IL1R1: variants seen among roughly 807,000 people sequenced by gnomAD.
IL1R1 encodes the protein interleukin-1 receptor type 1.
A neutral mutation model predicts 50.2 loss-of-function variants in IL1R1; 22 were observed. The ratio of observed to expected loss-of-function variants is 0.44; its 90% CI spans 0.31 to 0.63. The LOEUF is 0.63. Among genes scored for constraint, IL1R1 ranks in the 20% least tolerant of loss-of-function variants. The pLI is 0.07. For missense variants in IL1R1, 509 were observed against 676.2 expected (o/e 0.75, Z 2.74); for synonymous variants, 251 against 236.7 (o/e 1.06, Z -0.55).
intron 6 of IL1R1, 92 bp downstream of exon 6, chr2:102,166,373 A>C (rs1685182974): frequency 1.0e-6 from 1 of 989,550 alleles, no homozygotes; most frequent in Non-Finnish European, 1.4e-6. Flanking sequence ...TGAAGAAACC[A>C]AATCCAAGAC....
intron 7 of IL1R1, among the ~76,000 whole-genome samples, chr2:102,171,274 C>T (rs1034472959): frequency 6.6e-6 from 1 of 152,150 alleles, no homozygotes; most frequent in Non-Finnish European, 1.5e-5. Flanking sequence ...TGCTCACATA[C>T]ACTATTGGAG....
chr2:102,099,971 T>G (rs777430787), upstream of IL1R1, among the ~76,000 whole-genome samples: 2 of 152,128 alleles, frequency 1.3e-5, no homozygotes, highest in African/African-American at 4.8e-5. Flanking sequence ...ACTCCAGGAC[T>G]CCCAGAATGT....
intron 1 of IL1R1, among the ~76,000 whole-genome samples, chr2:102,093,454 C>T (rs1055609217): frequency 6.6e-6 from 1 of 152,102 alleles, no homozygotes; most frequent in Non-Finnish European, 1.5e-5. Flanking sequence ...TTTTACATTC[C>T]CTCCAGCAGT....
At chr2:102,072,103 C>T (rs930874117) in intron 1 of IL1R1, among the ~76,000 whole-genome samples, 1 of 151,218 alleles carries the variant, frequency 6.6e-6, no homozygotes, top group Non-Finnish European at 1.5e-5. Flanking sequence ...AGTAAAAATA[C>T]AAAAAAATTA....
At chr2:102,104,114 G>T (rs1217854373), upstream of IL1R1, among the ~76,000 whole-genome samples, 1 of 152,096 alleles carries the variant, frequency 6.6e-6, no homozygotes, top group African/African-American at 2.4e-5. Context: ...GTGATCAGTG[G>T]CCATCCCACC....
chr2:102,168,475 T>G lies in IL1R1; in HGVS notation c.656-123T>G, dbSNP rs1049007431. On this transcript the variant is annotated intron_variant, in intron 6 of 11. Transcript: ENST00000410023. ...TCTGCCTCCTGTCTCCTGGCATATG[T>G]GCTTTGAACACTTGATGGAATATCT... 10 of 781,852 alleles carry G rather than the reference T, an allele frequency of 1.3e-5. No individual in the cohort carries two copies. The African/African-American group carries it at 1.5e-4, about 12-fold the overall frequency. The allele number at this position is 781,852 out of a possible 1,614,324, so 48.4% of individuals were successfully genotyped here. A position where few individuals can be genotyped will look rare whatever the true frequency, so the allele number is the denominator to read the frequency against.
chr2:102,128,431 A>T (rs1486363662), intron 1 of IL1R1, among the ~76,000 whole-genome samples: 1 of 152,236 alleles, frequency 6.6e-6, no homozygotes, highest in Non-Finnish European at 1.5e-5. Flanking sequence ...CCCAAATATA[A>T]TGAATGTTTG....
intron 1 of IL1R1, among the ~76,000 whole-genome samples, chr2:102,125,305 G>A (rs984721436): frequency 5.3e-5 from 8 of 152,146 alleles, no homozygotes; most frequent in Non-Finnish European, 8.8e-5. Context: ...ACAAACAAAC[G>A]AAACCAATAA....
intron 1 of IL1R1, among the ~76,000 whole-genome samples, chr2:102,124,523 G>A (rs1175516315): frequency 3.9e-5 from 6 of 151,950 alleles, no homozygotes; most frequent in Admixed American, 6.6e-5. Context: ...GGGAAGCCTC[G>A]GGAAACTTAT....
upstream of IL1R1, among the ~76,000 whole-genome samples, chr2:102,140,914 T>A (rs765386226): frequency 3.9e-5 from 6 of 152,198 alleles, no homozygotes; most frequent in African/African-American, 7.2e-5. Context: ...GAGGCCTGCA[T>A]GTCTAGCAGG....
chr2:102,139,596 G>T (rs939450868), upstream of IL1R1, among the ~76,000 whole-genome samples: 4 of 152,240 alleles, frequency 2.6e-5, no homozygotes, highest in South Asian at 6.2e-4. Flanking sequence ...GATCATGGGG[G>T]TAGATCCCTC....
At chr2:102,100,641 A>T (rs531920567), upstream of IL1R1, among the ~76,000 whole-genome samples, 148 of 152,244 alleles carry the variant, frequency 9.7e-4, 1 homozygote, top group African/African-American at 3.3e-3. Flanking sequence ...GTTTTTAGTC[A>T]TTTCATGCTT....
intron 1 of IL1R1, among the ~76,000 whole-genome samples, chr2:102,143,615 C>T (rs977506342): frequency 3.3e-5 from 5 of 152,190 alleles, no homozygotes; most frequent in Non-Finnish European, 5.9e-5. Context: ...TGTTTTACAG[C>T]GGGGGAAGCA....
intron 1 of IL1R1, among the ~76,000 whole-genome samples, chr2:102,113,657 G>A (rs111407753): frequency 0.018 from 2,778 of 152,110 alleles, 79 homozygotes; most frequent in African/African-American, 0.063. Context: ...TGCTTGCCCC[G>A]CTCTAGGCTG....
chr2:102,175,714 C>T, intron 11 of IL1R1, 69 bp downstream of exon 11: 1 of 1,456,596 alleles, frequency 6.9e-7, no homozygotes, highest in Non-Finnish European at 9.7e-7. Context: ...TGGATTCCAT[C>T]TTTCTAGAAG....
At chr2:102,081,007 G>A (rs1029880950) in intron 1 of IL1R1, among the ~76,000 whole-genome samples, 2 of 152,148 alleles carry the variant, frequency 1.3e-5, no homozygotes, top group Non-Finnish European at 2.9e-5. Flanking sequence ...CTTAGAATAA[G>A]CAAATTTATA....
intron 1 of IL1R1, among the ~76,000 whole-genome samples, chr2:102,145,720 A>G (rs1683060442): frequency 3.3e-5 from 5 of 152,184 alleles, no homozygotes; most frequent in Admixed American, 2.0e-4. Flanking sequence ...GGGGCCGTGA[A>G]TGTGGAGGGA....
In IL1R1 at chr2:102,168,696, C is replaced by T. The variant is rs199768199; in HGVS notation, c.721+33C>T. On this transcript the variant is annotated intron_variant, in intron 7 of 11. Transcript: ENST00000410023. ...GGCTTCAGTGAGGGTATGCTGGAAT[C>T]GGTTTTTTTTTTTTAAAACATAAGA... The T allele has an allele frequency of 3.7e-5, 51 of 1,380,296 alleles. No individual in the cohort carries two copies. In the African/African-American group the frequency reaches 4.3e-4, roughly 12 times the overall value. 85.5% of individuals were successfully genotyped at this position (1,380,296 alleles called of 1,614,324 possible). A position where few individuals can be genotyped will look rare whatever the true frequency, so the allele number is the denominator to read the frequency against.
At chr2:102,172,199 T>C (rs1685748565) in intron 8 of IL1R1, 5 of 843,432 alleles carry the variant, frequency 5.9e-6, no homozygotes, top group Non-Finnish European at 7.1e-6. Context: ...TATCTTTCAT[T>C]ATTCTTCATA....
Sources: allele counts gnomAD v4.1 joint callset (sites outside exome capture counted in the v4.1 genomes callset), GRCh38; gene constraint gnomAD v4.1.1; transcripts MANE v1.5; gene names NCBI Gene and HGNC (gene_info 2026-07-23, HGNC 2026-07-21).